The following CSMD2 variants were observed in gnomAD, a reference collection of about 807,000 sequenced individuals.
CSMD2 encodes the protein CUB and sushi domain-containing protein 2.
Under a neutral mutation model 398.5 loss-of-function variants are expected in CSMD2, and 130 were observed. The observed-to-expected ratio is 0.33, with a 90% confidence interval of 0.28 to 0.38. The LOEUF (loss-of-function observed/expected upper bound fraction) is 0.38. Ranked by LOEUF, CSMD2 falls within the 10% of genes least tolerant of loss-of-function variation. The pLI is 1.00. For missense variants in CSMD2, 3,829 were observed against 4,764.9 expected (o/e 0.80, Z 5.78); for synonymous variants, 1,828 against 1,908.5 (o/e 0.96, Z 1.10).
chr1:33,775,976 G>A (rs1651912042), intron 12 of CSMD2, among the ~76,000 whole-genome samples: 1 of 152,164 alleles, frequency 6.6e-6, no homozygotes, highest in Non-Finnish European at 1.5e-5. Context: ...TGAAAAACAG[G>A]TTAGCAAAAA....
At chr1:33,691,996 C>A (rs1443737118) in intron 25 of CSMD2, among the ~76,000 whole-genome samples, 1 of 152,184 alleles carries the variant, frequency 6.6e-6, no homozygotes. Flanking sequence ...TGTGAAGATT[C>A]AGAAAGACCT....
chr1:33,925,813 T>A (rs1163596179), intron 4 of CSMD2, among the ~76,000 whole-genome samples: 1 of 151,978 alleles, frequency 6.6e-6, no homozygotes, highest in Non-Finnish European at 1.5e-5. Context: ...GTCCCTACTA[T>A]CTGCAGCCAC....
At chr1:33,717,218 T>C (rs1378984692) in intron 19 of CSMD2, among the ~76,000 whole-genome samples, 1 of 152,006 alleles carries the variant, frequency 6.6e-6, no homozygotes, top group East Asian at 1.9e-4. Context: ...ACCCAATATT[T>C]TTCTGGAGGC....
intron 3 of CSMD2, among the ~76,000 whole-genome samples, chr1:33,973,146 A>G (rs1645832575): frequency 6.6e-6 from 1 of 152,180 alleles, no homozygotes; most frequent in Non-Finnish European, 1.5e-5. Flanking sequence ...CCGTGCCAGA[A>G]TCCAGCCCTG....
At chr1:33,969,269 T>C (rs72665751) in intron 3 of CSMD2, among the ~76,000 whole-genome samples, 85 of 152,376 alleles carry the variant, frequency 5.6e-4, no homozygotes, top group Non-Finnish European at 8.7e-4. Flanking sequence ...GCATTTTACA[T>C]TGGTTACATT....
At chr1:34,085,783 T>A (rs1293724686) in intron 2 of CSMD2, among the ~76,000 whole-genome samples, 1 of 152,084 alleles carries the variant, frequency 6.6e-6, no homozygotes, top group Non-Finnish European at 1.5e-5. Flanking sequence ...GTAAACAAAG[T>A]CCATCTCTTG....
intron 3 of CSMD2, among the ~76,000 whole-genome samples, chr1:33,944,238 C>G (rs79425192): frequency 0.067 from 10,118 of 152,138 alleles, 376 homozygotes; most frequent in African/African-American, 0.1. Context: ...ACGCCCCCCC[C>G]CCAACTCCTG....
intron 3 of CSMD2, among the ~76,000 whole-genome samples, chr1:33,984,148 TG>T (rs1325621214): frequency 7.5e-6 from 1 of 133,550 alleles, no homozygotes; most frequent in Non-Finnish European, 1.5e-5. Context: ...AGCGAGACTC[TG>T]TCTCCCCCCA....
chr1:33,524,494 G>A (rs1365291266), intron 66 of CSMD2, among the ~76,000 whole-genome samples: 1 of 152,130 alleles, frequency 6.6e-6, no homozygotes, highest in African/African-American at 2.4e-5. Context: ...ACTCTGAGTT[G>A]ATGGTGTAAG....
intron 1 of CSMD2, among the ~76,000 whole-genome samples, chr1:34,113,502 G>GGA (rs1661303767): frequency 6.6e-6 from 1 of 152,204 alleles, no homozygotes; most frequent in Admixed American, 6.5e-5. Flanking sequence ...AGCTGGGAGA[G>GGA]ACTTTATTAT....
chr1:33,626,266 T>A (rs954066003), intron 33 of CSMD2, among the ~76,000 whole-genome samples: 1 of 152,198 alleles, frequency 6.6e-6, no homozygotes, highest in Non-Finnish European at 1.5e-5. Context: ...TCTGATTTCC[T>A]TCCTCATTAA....
chr1:33,872,610 G>GT (rs973870100), intron 5 of CSMD2, among the ~76,000 whole-genome samples: 1 of 151,998 alleles, frequency 6.6e-6, no homozygotes, highest in African/African-American at 2.4e-5. Context: ...TTGTGGGTTT[G>GT]TTTTTTTGTG....
intron 27 of CSMD2, among the ~76,000 whole-genome samples, chr1:33,654,059 T>C (rs929144549): frequency 9.2e-5 from 14 of 152,094 alleles, no homozygotes; most frequent in African/African-American, 2.9e-4. Context: ...AAACAAATGG[T>C]AGGTCTTCAG....
intron 52 of CSMD2, 35 bp downstream of exon 52, chr1:33,569,339 A>G (rs767041361): frequency 6.3e-7 from 1 of 1,584,996 alleles, no homozygotes; most frequent in Non-Finnish European, 8.6e-7. Flanking sequence ...TCAAGGAGAA[A>G]AACTGGGCAG....
At chr1:33,790,665 ATC>A in intron 11 of CSMD2, among the ~76,000 whole-genome samples, 1 of 56,804 alleles carries the variant, frequency 1.8e-5, no homozygotes, top group Non-Finnish European at 3.5e-5. Context: ...TTGTCTGTCT[ATC>A]TATCTATCTA....
At chr1:34,158,687 A>T (rs1454020617) in intron 1 of CSMD2, among the ~76,000 whole-genome samples, 2 of 152,216 alleles carry the variant, frequency 1.3e-5, no homozygotes, top group African/African-American at 2.4e-5. Context: ...TAGTAATAGT[A>T]TCTAACATGT....
intron 18 of CSMD2, 94 bp downstream of exon 18, chr1:33,724,422 A>C (rs1336270175): frequency 3.3e-6 from 5 of 1,535,222 alleles, no homozygotes; most frequent in African/African-American, 1.4e-5. Context: ...ACCTTCGCTG[A>C]TGGGGTGAGG....
intron 5 of CSMD2, among the ~76,000 whole-genome samples, chr1:33,879,271 C>T (rs369396338): frequency 1.3e-5 from 2 of 152,158 alleles, no homozygotes; most frequent in South Asian, 2.1e-4. Context: ...CCACTAAGAT[C>T]CCAGGAGCCA....
At chr1:33,652,721 T>C (rs1643828073) in intron 27 of CSMD2, among the ~76,000 whole-genome samples, 1 of 152,174 alleles carries the variant, frequency 6.6e-6, no homozygotes, top group Non-Finnish European at 1.5e-5. Flanking sequence ...CAGGTAATTT[T>C]ATGTTAGGTG....
Sources: allele counts gnomAD v4.1 joint callset (sites outside exome capture counted in the v4.1 genomes callset), GRCh38; gene constraint gnomAD v4.1.1; transcripts MANE v1.5; gene names NCBI Gene and HGNC (gene_info 2026-07-23, HGNC 2026-07-21).